RGL3: variants seen among roughly 807,000 people sequenced by gnomAD.
The protein encoded by RGL3 is ral guanine nucleotide dissociation stimulator like 3.
Under a neutral mutation model 90.6 loss-of-function variants are expected in RGL3, and 85 were observed. That is an observed-to-expected ratio of 0.94 (90% CI 0.79 to 1.12). The LOEUF is 1.12. Ranked by LOEUF, RGL3 falls within the 50% of genes most tolerant of loss-of-function variation. RGL3 has a pLI of 0.00. For missense variants in RGL3, 1,034 were observed against 939.2 expected (o/e 1.10, Z -1.32); for synonymous variants, 408 against 385.5 (o/e 1.06, Z -0.68).
intron 5 of RGL3, among the ~76,000 whole-genome samples, chr19:11,409,788 G>A (rs966577851): frequency 2.0e-5 from 3 of 152,140 alleles, no homozygotes; most frequent in Non-Finnish European, 4.4e-5. Flanking sequence ...CTACTGTGAC[G>A]CTAGGACAGG....
intron 2 of RGL3, among the ~76,000 whole-genome samples, chr19:11,417,834 G>GT (rs905362294): frequency 6.6e-5 from 10 of 151,500 alleles, no homozygotes; most frequent in Middle Eastern, 3.4e-3. Context: ...GTTTTGGTTT[G>GT]TTTTTTTTAG....
intron 13 of RGL3, among the ~76,000 whole-genome samples, 154 bp from the exon 14 acceptor site, chr19:11,400,451 G>T (rs1011070048): frequency 6.6e-6 from 1 of 152,104 alleles, no homozygotes; most frequent in African/African-American, 2.4e-5. Flanking sequence ...GTAAATGAGG[G>T]TCATTGAGCA....
chr19:11,415,824 G>A (rs1375516452), intron 5 of RGL3, 113 bp downstream of exon 5: 17 of 975,006 alleles, frequency 1.7e-5, no homozygotes, highest in Non-Finnish European at 2.5e-5. Context: ...GAGGCTTAGA[G>A]TTTAAAATCT....
Position 11,394,450 on chromosome 19 carries a change from C to T in RGL3, c.2085G>A (p.Leu695=), listed in dbSNP as rs774054296. 5 of 1,613,886 alleles carry T rather than the reference C, an allele frequency of 3.1e-6. No individual in the cohort carries two copies. Among genetic ancestry groups the T allele is most frequent in the Admixed American group, 3.3e-5 (2 of 59,958 alleles). Residue 695 remains leucine (L), a synonymous_variant, in exon 19 of 19, where the codon CTG becomes CTA. Transcript: ENST00000380456. ...MSPVAPRDFM[L]RRKEGTRNTL... ...TGTTCCGGGTCCCCTCTTTCCGCCG[C>T]AGCATGAAGTCTCTGGGGGCGACTG... is the stretch of plus-strand genomic sequence containing the variant.
intron 4 of RGL3, 189 bp downstream of exon 4, chr19:11,416,425 C>T (rs1342986157): frequency 1.5e-6 from 1 of 680,686 alleles, no homozygotes; most frequent in Non-Finnish European, 2.6e-6. Flanking sequence ...TCTCTAACTC[C>T]TGACCTCCAG....
rs778700299 is a variant in RGL3 at position 11,397,285 on chromosome 19, G to A, written c.1973C>T (p.Ala658Val). The change falls in exon 18 of 19, where the codon GCC becomes GTC. Residue 658 changes from alanine to valine, a missense_variant. Coordinates refer to ENST00000380456, the MANE Select transcript of RGL3 (RefSeq NM_001035223.4). ...GACTTGAAAGAGCTGATAGTCACAG[G>A]CCCAGGGCTGGGGCACATTGTGCTT... ...LQKHNVPQPW[A>V]CDYQLFQVLP... The A allele has an allele frequency of 3.1e-6, 5 of 1,613,776 alleles. No individual in the cohort carries two copies. The East Asian group carries it at 6.7e-5, about 22-fold the overall frequency.
chr19:11,406,816 C>G lies in RGL3; in HGVS notation c.686G>C (p.Cys229Ser), dbSNP rs772436019. ...QTSDPDSSEA[C>S]AEEEEGLMPQ... is the part of the protein sequence containing the mutation. Reference sequence around the variant, plus strand: ...CATGAGCCCTTCCTCTTCCTCCGCGCAGGCCTCTGAAGAGTCTGGGTCAGA... The same window carrying G: ...CATGAGCCCTTCCTCTTCCTCCGCGGAGGCCTCTGAAGAGTCTGGGTCAGA... Residue 229 changes from cysteine to serine, a missense_variant, in exon 6 of 19, where the codon TGC becomes TCC. Cys to Ser is a moderately radical substitution (Grantham distance 112). Transcript: ENST00000380456. The G allele has an allele frequency of 6.3e-7, 1 of 1,590,792 alleles. No homozygotes were observed. The highest frequency in any genetic ancestry group is 8.6e-7 in the Non-Finnish European group (1 of 1,159,496).
In RGL3 at chr19:11,417,070, G is replaced by C. The variant is rs755642120; in HGVS notation, c.148-11C>G. 5.1e-6 allele frequency: 8 copies of C among 1,581,122 alleles called. No individual in the cohort carries two copies. The East Asian group carries it at 1.8e-4, about 35-fold the overall frequency. On this transcript the variant is annotated splice_polypyrimidine_tract_variant and intron_variant, in intron 2 of 18. Transcript: ENST00000380456. ...AATGGGGCTGGGAGCCTGCAGGAGG[G>C]GAGAGGTGGCCATGAGAGAGCAGGA...
Position 11,397,437 on chromosome 19 carries a change from C to T in RGL3, c.1899+8G>A. ...AGCCTCCAGCAGACCCCCAGCCCAG[C>T]CCCTCACCAAGATGCTTCGATACAG... On this transcript the variant is annotated splice_region_variant and intron_variant, in intron 17 of 18. Transcript: ENST00000380456. The T allele has an allele frequency of 6.2e-7, 1 of 1,600,008 alleles. No homozygotes were observed. Among genetic ancestry groups the T allele is most frequent in the Non-Finnish European group, 8.5e-7 (1 of 1,171,290 alleles).
At position 11,417,223 on chromosome 19, in the gene RGL3, G is replaced by C. The variant is rs561940555; in HGVS notation, c.148-164C>G. 2.6e-5 allele frequency among the ~76,000 whole-genome samples: 4 copies of C among 151,228 alleles called. No individual in the cohort carries two copies. The South Asian group carries it at 8.4e-4, about 32-fold the overall frequency. ...CTGGAGTGCAGTGGCACGATCTTGG[G>C]TCACTTCAACTTCTGCCTCCTGGGT... On this transcript the variant is annotated intron_variant, in intron 2 of 18. Transcript: ENST00000380456.
rs375812116 is a variant in RGL3, at chr19:11,417,802, C to T, written c.148-743G>A. Among the ~76,000 whole-genome samples, 87 of 152,176 alleles carry T rather than the reference C, an allele frequency of 5.7e-4. No homozygotes were observed. The South Asian group carries it at 0.017, about 31-fold the overall frequency. On this transcript the variant is annotated intron_variant, in intron 2 of 18. Coordinates refer to ENST00000380456, the MANE Select transcript of RGL3 (RefSeq NM_001035223.4). ...CCATTCTTTCATGTGATTCCTCTGTCTCCCGGCTTCTTGGAGTTATTGTTT... is the reference window on the plus strand; with the variant it reads ...CCATTCTTTCATGTGATTCCTCTGTTTCCCGGCTTCTTGGAGTTATTGTTT...
At chr19:11,400,361 G>A (rs1483065824) in intron 13 of RGL3, 64 bp from the exon 14 acceptor site, 12 of 1,389,170 alleles carry the variant, frequency 8.6e-6, no homozygotes, top group Non-Finnish European at 1.1e-5. Flanking sequence ...AGAGATAAGA[G>A]TTGGAATCAG....
chr19:11,410,842 C>G (rs1158347079), intron 5 of RGL3, among the ~76,000 whole-genome samples: 1 of 152,048 alleles, frequency 6.6e-6, no homozygotes, highest in East Asian at 1.9e-4. Context: ...GGAAAAATGA[C>G]CCATTTTTTT....
chr19:11,410,404 G>A (rs1968852892), intron 5 of RGL3, among the ~76,000 whole-genome samples: 1 of 152,144 alleles, frequency 6.6e-6, no homozygotes, highest in South Asian at 2.1e-4. Flanking sequence ...TTAGAAGTGG[G>A]TACTGGGCTG....
chr19:11,397,576 G>A lies in RGL3; in HGVS notation c.1768C>T (p.Pro590Ser). The change falls in exon 17 of 19, where the codon CCC becomes TCC. Residue 590 changes from proline (P) to serine (S), a missense_variant. Coordinates refer to ENST00000380456, the MANE Select transcript of RGL3 (RefSeq NM_001035223.4). ...GGCAAAGCGAAGGGCCGGGGGCTGG[G>A]CAGGTCCAGGCTCAGGGGCAGCTGC... Reference protein sequence around the residue: ...STKLPLSLDLPSPRPFALPLG... With the variant: ...STKLPLSLDLSSPRPFALPLG... The A allele has an allele frequency of 3.2e-6, 5 of 1,574,932 alleles. No homozygotes were observed. The highest frequency in any genetic ancestry group is 4.3e-6 in the Non-Finnish European group (5 of 1,159,070).
At chr19:11,399,828 G>T in intron 16 of RGL3, 27 bp downstream of exon 16, 1 of 1,307,546 alleles carries the variant, frequency 7.6e-7, no homozygotes. Context: ...CCGCAGGCCC[G>T]CATGCACACA....
rs771398199 is a variant in RGL3, at chr19:11,405,494, C to CTTTTTTTTT, written c.997-77_997-69dup. On this transcript the variant is annotated intron_variant, in intron 7 of 18. Transcript: ENST00000380456. ...ACCTTTCATCCTGAAACTTCTTCAT[C>CTTTTTTTTT]TTTTTTTTTTTTTTTTTTTTTTTTT... 68 of 164,032 alleles carry CTTTTTTTTT rather than the reference C, an allele frequency of 4.1e-4. 6 individuals are homozygous for CTTTTTTTTT. The highest frequency in any genetic ancestry group is 5.4e-4 in the African/African-American group (14 of 25,902). 10.2% of individuals were successfully genotyped at this position (164,032 alleles called of 1,614,324 possible).
chr19:11,399,614 T>C (rs893928562), intron 16 of RGL3, among the ~76,000 whole-genome samples: 4 of 151,956 alleles, frequency 2.6e-5, no homozygotes, highest in African/African-American at 7.2e-5. Context: ...AGATGACCCA[T>C]GGGCAAGCAG....
At position 11,406,584 on chromosome 19, in the gene RGL3, C is replaced by T. The variant is rs1355802394; in HGVS notation, c.831G>A (p.Ser277=). Residue 277 remains serine, a synonymous_variant, in exon 7 of 19, where the codon TCG becomes TCA. Coordinates refer to ENST00000380456, the MANE Select transcript of RGL3 (RefSeq NM_001035223.4). The part of the protein sequence containing the change: ...RLYECLGSVW[S]QRDRPGAAGA... The stretch of plus-strand genomic sequence containing the variant: ...CTGCAGCCCCCGGCCGGTCCCTCTG[C>T]GACCACACGGAGCCCAAGCACTCGT... 6.4e-7 allele frequency: 1 copy of T among 1,552,098 alleles called. No homozygotes were observed. Among genetic ancestry groups the T allele is most frequent in the Non-Finnish European group, 8.7e-7 (1 of 1,148,128 alleles).
Sources: allele counts gnomAD v4.1 joint callset (sites outside exome capture counted in the v4.1 genomes callset), GRCh38; gene constraint gnomAD v4.1.1; transcripts MANE v1.5; gene names NCBI Gene and HGNC (gene_info 2026-07-23, HGNC 2026-07-21).